The following TARBP1 variants were observed in gnomAD, a reference collection of about 807,000 sequenced individuals.
TARBP1 encodes the protein tRNA guanosine 2 -O-methyltransferase TARBP1.
A neutral mutation model predicts 178.6 loss-of-function variants in TARBP1; 144 were observed. The observed-to-expected ratio is 0.81, with a 90% CI of 0.70 to 0.93. The LOEUF (loss-of-function observed/expected upper bound fraction) is 0.93. Among genes scored for constraint, TARBP1 ranks in the 40% least tolerant of loss-of-function variants. The pLI, the probability that TARBP1 is intolerant of heterozygous loss-of-function variation, is 0.00. For synonymous variants in TARBP1, 787 were observed against 781.0 expected, an observed-to-expected ratio of 1.01 and a Z score of -0.13; for missense variants, 2,067 against 2,011.7, an observed-to-expected ratio of 1.03 and a Z score of -0.53.
rs182163407 is a variant in TARBP1, at chr1:234,438,843, G to A, written c.2135-1471C>T. Among the ~76,000 whole-genome samples the A allele has an allele frequency of 5.3e-5, 8 of 152,194 alleles. No homozygotes were observed. The East Asian group carries it at 1.5e-3, about 29-fold the overall frequency. ...AAAGAAATTTATGCCCAGACAAAGG[G>A]CAACCAAACTGCTAAAAACAAGCTT... On this transcript the variant is annotated intron_variant, in intron 12 of 29. Transcript: ENST00000040877.
intron 21 of TARBP1, 91 bp from the exon 22 acceptor site, chr1:234,418,324 T>C (rs954014399): frequency 8.7e-6 from 10 of 1,149,498 alleles, no homozygotes; most frequent in Admixed American, 6.0e-5. Flanking sequence ...TTAAAGTTTT[T>C]ATCATAAGTA....
chr1:234,479,148 G>A lies in TARBP1; in HGVS notation c.-45C>T. On this transcript the variant is annotated 5_prime_UTR_variant, in exon 1 of 30. Coordinates refer to ENST00000040877, the MANE Select transcript of TARBP1 (RefSeq NM_005646.4). The stretch of plus-strand genomic sequence containing the variant: ...CCGGCCCGGGCTCCCAAAGGAAGGC[G>A]CCGGCGTGTGCGATGCGTGCGCACA... 6.2e-6 allele frequency: 9 copies of A among 1,463,108 alleles called. 1 individual carries two copies. The highest frequency in any genetic ancestry group is 2.5e-4 in the Middle Eastern group (1 of 3,986). 90.6% of individuals were successfully genotyped at this position (1,463,108 alleles called of 1,614,324 possible).
chr1:234,420,757 C>T lies in TARBP1; in HGVS notation c.3500G>A (p.Arg1167Lys). 1.9e-6 allele frequency: 3 copies of T among 1,612,950 alleles called. No individual in the cohort carries two copies. The highest frequency in any genetic ancestry group is 2.5e-6 in the Non-Finnish European group (3 of 1,179,506). ...AGTCTGCCACACTCGGTTTTTCACTCTGTGCTGTAGAGAATTCACATAGTA... is the reference window on the plus strand; with the variant it reads ...AGTCTGCCACACTCGGTTTTTCACTTTGTGCTGTAGAGAATTCACATAGTA... ...KRYYVNSLQH[R>K]VKNRVWQTLL... Residue 1167 changes from arginine to lysine, a missense_variant, in exon 21 of 30, where the codon AGA (arginine) becomes AAA (lysine). Arg to Lys is a conservative substitution (Grantham distance 26, BLOSUM62 2). Coordinates refer to ENST00000040877, the MANE Select transcript of TARBP1 (RefSeq NM_005646.4).
At chr1:234,459,918 T>A (rs909781939) in intron 7 of TARBP1, among the ~76,000 whole-genome samples, 8 of 152,206 alleles carry the variant, frequency 5.3e-5, no homozygotes, top group African/African-American at 1.4e-4. Context: ...AAATATTTTT[T>A]AAATACTTTC....
chr1:234,426,711 T>A (rs886991418), intron 19 of TARBP1, among the ~76,000 whole-genome samples: 3 of 152,158 alleles, frequency 2.0e-5, no homozygotes, highest in East Asian at 3.8e-4. Context: ...GAAAAAAAGC[T>A]ATTTGACAAG....
chr1:234,395,768 G>A (rs1470576766), intron 26 of TARBP1, among the ~76,000 whole-genome samples: 1 of 152,158 alleles, frequency 6.6e-6, no homozygotes, highest in African/African-American at 2.4e-5. Context: ...AGAAGACTGG[G>A]CCCGTGAAAA....
rs746671340 is a variant in TARBP1 at position 234,470,401 on chromosome 1, G to A, written c.1099+787C>T. Reference sequence around the variant, plus strand: ...ATAAAATGATAGGATATCTAGGGATGTGCTTCAAAACCATTTAGCAAGAAG... The same window carrying A: ...ATAAAATGATAGGATATCTAGGGATATGCTTCAAAACCATTTAGCAAGAAG... On this transcript the variant is annotated intron_variant, in intron 3 of 29. Coordinates refer to ENST00000040877, the MANE Select transcript of TARBP1 (RefSeq NM_005646.4). Among the ~76,000 whole-genome samples, 53 of 152,246 alleles carry A rather than the reference G, an allele frequency of 3.5e-4. 1 individual carries two copies. In the Middle Eastern group the frequency reaches 0.02, roughly 59 times the overall value.
At chr1:234,395,821 T>C in intron 26 of TARBP1, among the ~76,000 whole-genome samples, 1 of 152,262 alleles carries the variant, frequency 6.6e-6, no homozygotes, top group Non-Finnish European at 1.5e-5. Context: ...GGTACAAAGT[T>C]AGTCAGTCAG....
chr1:234,416,110 G>A (rs1174109792), intron 22 of TARBP1, among the ~76,000 whole-genome samples: 1 of 152,164 alleles, frequency 6.6e-6, no homozygotes, highest in African/African-American at 2.4e-5. Context: ...GGAAGTTTTG[G>A]GGGTACACCA....
chr1:234,416,246 TTTC>T (rs551889356), intron 22 of TARBP1, among the ~76,000 whole-genome samples: 2 of 152,210 alleles, frequency 1.3e-5, no homozygotes, highest in Non-Finnish European at 2.9e-5. Context: ...ACAGAATCTG[TTTC>T]TTCATTATAG....
intron 23 of TARBP1, chr1:234,406,349 C>G: frequency 2.1e-6 from 1 of 484,570 alleles, no homozygotes; most frequent in Non-Finnish European, 3.7e-6. Context: ...TTTCCCCCCG[C>G]CCCCCATACT....
chr1:234,477,831 A>G (rs1344379915), intron 1 of TARBP1, among the ~76,000 whole-genome samples: 4 of 152,200 alleles, frequency 2.6e-5, no homozygotes, highest in African/African-American at 4.8e-5. Context: ...AACTTGATAG[A>G]TATCAACCGT....
intron 10 of TARBP1, among the ~76,000 whole-genome samples, chr1:234,449,021 G>A (rs1461639783): frequency 2.6e-5 from 4 of 152,176 alleles, no homozygotes; most frequent in Non-Finnish European, 5.9e-5. Context: ...TGAGTGTGAC[G>A]ACTCAAGAGG....
intron 22 of TARBP1, among the ~76,000 whole-genome samples, chr1:234,410,785 A>C (rs1394915448): frequency 6.6e-6 from 1 of 152,234 alleles, no homozygotes; most frequent in Non-Finnish European, 1.5e-5. Context: ...ACTCAACTCT[A>C]AGTACAGCGG....
At chr1:234,473,629 A>C (rs1558263695) in intron 1 of TARBP1, among the ~76,000 whole-genome samples, 1 of 152,250 alleles carries the variant, frequency 6.6e-6, no homozygotes, top group Non-Finnish European at 1.5e-5. Context: ...AGGAGGAAAG[A>C]TCTGAAAATA....
chr1:234,469,073 TTTTTAAAAAAA>T (rs1209235549), intron 3 of TARBP1, among the ~76,000 whole-genome samples: 2 of 17,348 alleles, frequency 1.2e-4, no homozygotes, highest in Non-Finnish European at 8.8e-5. Context: ...TTTTTTTTTT[TTTTTAAAAAAA>T]AAAAAAAGGC....
Position 234,427,624 on chromosome 1 carries a change from A to C in TARBP1, c.3203T>G (p.Leu1068Arg). 6.3e-7 allele frequency: 1 copy of C among 1,599,622 alleles called. No homozygotes were observed. The highest frequency in any genetic ancestry group is 8.5e-7 in the Non-Finnish European group (1 of 1,176,446). The change falls in exon 18 of 30, where the codon CTT becomes CGT. Residue 1068 changes from leucine to arginine, a missense_variant. By Grantham distance (102) the Leu-to-Arg change is moderately radical. Coordinates refer to ENST00000040877, the MANE Select transcript of TARBP1 (RefSeq NM_005646.4). ...TCCAAATATACAAGCCTCAAGGATAAGTTCGCTATAATTTTTAGCACTTGA... is the reference window on the plus strand; with the variant it reads ...TCCAAATATACAAGCCTCAAGGATACGTTCGCTATAATTTTTAGCACTTGA... ...SLSSAKNYSE[L>R]ILEACIFGTV...
At position 234,405,963 on chromosome 1, in the gene TARBP1, T is replaced by G. The variant is rs1661196316; in HGVS notation, c.3929A>C (p.Asp1310Ala). The G allele has an allele frequency of 6.2e-7, 1 of 1,614,192 alleles. No homozygotes were observed. Among genetic ancestry groups the G allele is most frequent in the Non-Finnish European group, 8.5e-7 (1 of 1,180,026 alleles). The change falls in exon 24 of 30, where the codon GAT becomes GCT. Residue 1310 changes from aspartate (D) to alanine (A), a missense_variant. Coordinates refer to ENST00000040877, the MANE Select transcript of TARBP1 (RefSeq NM_005646.4). ...VCKVLSVEEF[D>A]ALTPVIESSL... ...GGATTCAATCACAGGAGTCAGGGCA[T>G]CAAATTCTTCAACACTTAACACTTT...
At chr1:234,422,617 T>C (rs1398115677) in intron 20 of TARBP1, among the ~76,000 whole-genome samples, 1 of 151,754 alleles carries the variant, frequency 6.6e-6, no homozygotes, top group Non-Finnish European at 1.5e-5. Context: ...GGGGAGGGTG[T>C]GGGGATGGCT....
Sources: gnomAD v4.1 joint callset for allele counts (sites outside exome capture counted in the v4.1 genomes callset) on GRCh38, gnomAD v4.1.1 for gene constraint, MANE v1.5 for transcripts, NCBI Gene and HGNC (gene_info 2026-07-23, HGNC 2026-07-21) for gene names.